Variants in PARD3B observed in about 807,000 individuals in gnomAD.
The protein encoded by PARD3B is partitioning defective 3 homolog B.
A neutral mutation model predicts 130.2 loss-of-function variants in PARD3B; 103 were observed. That is an observed-to-expected ratio of 0.79 (90% CI 0.67 to 0.93). PARD3B has a LOEUF of 0.93. PARD3B is among the 40% of genes least tolerant of loss of function. PARD3B has a pLI of 0.00. For synonymous variants in PARD3B, 583 were observed against 553.2 expected, an observed-to-expected ratio of 1.05 and a Z score of -0.76; for missense variants, 1,609 against 1,499.2, an observed-to-expected ratio of 1.07 and a Z score of -1.21.
intron 2 of PARD3B, among the ~76,000 whole-genome samples, chr2:204,737,260 C>T (rs2039800343): frequency 6.6e-6 from 1 of 152,104 alleles, no homozygotes; most frequent in Non-Finnish European, 1.5e-5. Flanking sequence ...CACTGCGTCC[C>T]ACTGACTTTT....
chr2:205,016,793 A>G (rs1012607352), intron 3 of PARD3B, among the ~76,000 whole-genome samples: 10 of 152,096 alleles, frequency 6.6e-5, no homozygotes, highest in African/African-American at 1.2e-4. Context: ...TTCCTACTCA[A>G]CTGAACTCCT....
intron 14 of PARD3B, among the ~76,000 whole-genome samples, chr2:205,186,312 C>G (rs563387548): frequency 6.6e-6 from 1 of 152,078 alleles, no homozygotes; most frequent in Admixed American, 6.5e-5. Flanking sequence ...CATATATAAT[C>G]TAAAATATTG....
At chr2:205,173,932 T>C (rs1056876452) in intron 12 of PARD3B, among the ~76,000 whole-genome samples, 2 of 152,212 alleles carry the variant, frequency 1.3e-5, no homozygotes, top group Non-Finnish European at 2.9e-5. Flanking sequence ...TCATCCCTTC[T>C]GTGCATCTGC....
In PARD3B at chr2:204,596,917, A is replaced by ACTCTCTCTCTCT. The variant is rs560128486; in HGVS notation, c.120+50809_120+50820dup. Among the ~76,000 whole-genome samples, 227 of 125,204 alleles carry ACTCTCTCTCTCT rather than the reference A, an allele frequency of 1.8e-3. 1 individual carries two copies. The highest frequency in any genetic ancestry group is 6.5e-3 in the African/African-American group (219 of 33,808). 82.1% of individuals were successfully genotyped at this position (125,204 alleles called of 152,430 possible). Reference sequence around the variant, plus strand: ...TGGGCAACAAGAGAGAAACTCACTCACTCTCTCTCTCTCTCTCTCTCTATC... The same window carrying ACTCTCTCTCTCT: ...TGGGCAACAAGAGAGAAACTCACTCACTCTCTCTCTCTCTCTCTCTCTCTCTCTCTCTCTATC... On this transcript the variant is annotated intron_variant, in intron 1 of 22. Transcript: ENST00000406610.
chr2:205,533,713 G>C (rs1050139876), intron 21 of PARD3B, among the ~76,000 whole-genome samples: 10 of 151,768 alleles, frequency 6.6e-5, no homozygotes, highest in Admixed American at 6.6e-4. Flanking sequence ...ACATTCAATG[G>C]TTTTGGGGGT....
At position 204,956,518 on chromosome 2, in the gene PARD3B, G is replaced by T. The variant is rs187486001; in HGVS notation, c.223-8634G>T. Among the ~76,000 whole-genome samples the T allele has an allele frequency of 4.4e-4, 64 of 145,372 alleles. No homozygotes were observed. In the East Asian group the frequency reaches 9.5e-3, roughly 22 times the overall value. ...AGATTAACTTGAAGAAAAACTACTTGTGTGTGTGTGTGTGTGTGTGTGTGT... is the reference window on the plus strand; with the variant it reads ...AGATTAACTTGAAGAAAAACTACTTTTGTGTGTGTGTGTGTGTGTGTGTGT... On this transcript the variant is annotated intron_variant, in intron 2 of 22. Coordinates refer to ENST00000406610, the MANE Select transcript of PARD3B (RefSeq NM_001302769.2).
intron 3 of PARD3B, among the ~76,000 whole-genome samples, chr2:204,974,405 A>G (rs1038248853): frequency 2.0e-5 from 3 of 152,190 alleles, no homozygotes; most frequent in Non-Finnish European, 4.4e-5. Flanking sequence ...GTGTTTTAAG[A>G]TAATATTTAC....
At chr2:205,418,746 A>T (rs1160634722) in intron 19 of PARD3B, among the ~76,000 whole-genome samples, 6 of 152,238 alleles carry the variant, frequency 3.9e-5, no homozygotes, top group African/African-American at 1.4e-4. Flanking sequence ...CTCAGGGAAA[A>T]TTTTCATTTA....
intron 22 of PARD3B, among the ~76,000 whole-genome samples, chr2:205,557,179 A>G (rs1239270438): frequency 1.3e-5 from 2 of 152,172 alleles, no homozygotes; most frequent in Non-Finnish European, 2.9e-5. Context: ...CGTGGGCGGC[A>G]AAAGGTTGCT....
chr2:204,857,131 C>G (rs994494318), intron 2 of PARD3B, among the ~76,000 whole-genome samples: 1 of 152,150 alleles, frequency 6.6e-6, no homozygotes, highest in African/African-American at 2.4e-5. Context: ...ATATTATTAT[C>G]TGTTTTGCAT....
At chr2:205,179,825 T>A (rs1264380282) in intron 13 of PARD3B, among the ~76,000 whole-genome samples, 1 of 152,214 alleles carries the variant, frequency 6.6e-6, no homozygotes, top group Non-Finnish European at 1.5e-5. Context: ...ATAGAAGTAG[T>A]TAATGTGTAA....
chr2:204,957,084 T>C (rs1408410271), intron 2 of PARD3B, among the ~76,000 whole-genome samples: 2 of 152,182 alleles, frequency 1.3e-5, no homozygotes, highest in African/African-American at 4.8e-5. Context: ...TGAGTGATTG[T>C]CCCTAAAAGT....
At chr2:205,571,456 C>T (rs1277831186) in intron 22 of PARD3B, among the ~76,000 whole-genome samples, 3 of 152,150 alleles carry the variant, frequency 2.0e-5, no homozygotes, top group African/African-American at 4.8e-5. Context: ...GGGGTCAAGC[C>T]GTCAGGCCAC....
At chr2:205,047,214 A>T (rs1287408595) in intron 3 of PARD3B, among the ~76,000 whole-genome samples, 2 of 152,184 alleles carry the variant, frequency 1.3e-5, no homozygotes, top group Admixed American at 6.5e-5. Context: ...AATTACACTG[A>T]CTGTGTGAAT....
intron 18 of PARD3B, among the ~76,000 whole-genome samples, chr2:205,383,368 AT>A (rs938230299): frequency 3.3e-5 from 5 of 151,784 alleles, no homozygotes; most frequent in African/African-American, 9.7e-5. Flanking sequence ...ATATTCATAA[AT>A]TTTTTTTCAG....
intron 18 of PARD3B, among the ~76,000 whole-genome samples, chr2:205,387,973 A>G (rs1229396769): frequency 6.6e-6 from 1 of 152,180 alleles, no homozygotes; most frequent in Non-Finnish European, 1.5e-5. Flanking sequence ...AGTTTTCAAT[A>G]TCAGTTCTTT....
chr2:205,047,639 C>T lies in PARD3B; in HGVS notation c.453C>T (p.Thr151=), dbSNP rs371727853. 1.9e-5 allele frequency: 29 copies of T among 1,550,864 alleles called. No individual in the cohort carries two copies. Among genetic ancestry groups the T allele is most frequent in the Non-Finnish European group, 2.4e-5 (28 of 1,146,908 alleles). The change falls in exon 4 of 23, where the codon ACC becomes ACT. Residue 151 remains threonine, a synonymous_variant. Coordinates refer to ENST00000406610, the MANE Select transcript of PARD3B (RefSeq NM_001302769.2). The part of the protein sequence containing the change: ...SDPVPGPPAD[T]QPSASHPGGQ... Reference sequence around the variant, plus strand: ...CAGTGCCAGGCCCACCTGCTGATACCCAGCCAAGCGCTTCACACCCTGGTG... The same window carrying T: ...CAGTGCCAGGCCCACCTGCTGATACTCAGCCAAGCGCTTCACACCCTGGTG...
intron 20 of PARD3B, among the ~76,000 whole-genome samples, chr2:205,490,579 C>T (rs1294608470): frequency 6.6e-6 from 1 of 152,164 alleles, no homozygotes; most frequent in Non-Finnish European, 1.5e-5. Context: ...CATACGTGTG[C>T]ATGTGTCTTT....
rs912096685 is a variant in PARD3B, at chr2:205,288,219, C to T, written c.2186-12311C>T. On this transcript the variant is annotated intron_variant, in intron 16 of 22. Coordinates refer to ENST00000406610, the MANE Select transcript of PARD3B (RefSeq NM_001302769.2). The surrounding 1 kb of genome is among the most constrained non-coding windows in gnomAD (Gnocchi z 4.0). ...CTGTCCCGTCCACCCAGACACATAA[C>T]CCTGAGCACCTCCTGGCTCCCAAGT... Among the ~76,000 whole-genome samples the T allele has an allele frequency of 3.3e-4, 50 of 152,080 alleles. No individual in the cohort carries two copies. The highest frequency in any genetic ancestry group is 1.1e-3 in the African/African-American group (47 of 41,406).
Sources: allele counts gnomAD v4.1 joint callset (sites outside exome capture counted in the v4.1 genomes callset), GRCh38; gene constraint gnomAD v4.1.1; non-coding constraint Gnocchi (gnomAD v3.1); transcripts MANE v1.5; gene names NCBI Gene and HGNC (gene_info 2026-07-23, HGNC 2026-07-21).